The following ZFHX3 variants were observed in gnomAD, a reference collection of about 807,000 sequenced individuals.
ZFHX3 encodes zinc finger homeobox 3.
In ZFHX3, 42 loss-of-function variants were observed where a neutral mutation model predicts 279.1. The observed-to-expected ratio is 0.15, with a 90% confidence interval of 0.12 to 0.19. The LOEUF (loss-of-function observed/expected upper bound fraction) is 0.19. Ranked by LOEUF, ZFHX3 falls within the 10% of genes least tolerant of loss-of-function variation. ZFHX3 has a pLI of 1.00. For synonymous variants in ZFHX3, 2,293 were observed against 1,957.8 expected, an observed-to-expected ratio of 1.17 and a Z score of -4.52; for missense variants, 4,981 against 4,754.0, an observed-to-expected ratio of 1.05 and a Z score of -1.40.
At chr16:73,596,607 C>T (rs2052053442) in intron 2 of ZFHX3, among the ~76,000 whole-genome samples, 1 of 152,194 alleles carries the variant, frequency 6.6e-6, no homozygotes, top group Non-Finnish European at 1.5e-5. Flanking sequence ...ACCACCTGTG[C>T]TCCCATCTCA....
intron 1 of ZFHX3, among the ~76,000 whole-genome samples, chr16:72,963,983 G>C (rs1961707866): frequency 6.6e-6 from 1 of 152,248 alleles, no homozygotes; most frequent in South Asian, 2.1e-4. Flanking sequence ...AACAAAGAGA[G>C]AATAGAGGCA....
rs145262784 is a variant in ZFHX3 at position 72,900,666 on chromosome 16, C to T, written c.3217-10704G>A. 9.7e-4 allele frequency among the ~76,000 whole-genome samples: 148 copies of T among 152,290 alleles called. 1 individual carries two copies. Among genetic ancestry groups the T allele is most frequent in the African/African-American group, 3.0e-3 (126 of 41,570 alleles). ...CAGCTCAGTGGTTCTCTAACTTGAG[C>T]GTGCATCGGAAGCACCTGGGAGGCA... On this transcript the variant is annotated intron_variant, in intron 3 of 9. Transcript: ENST00000268489.
chr16:73,477,880 T>C (rs779515693), intron 2 of ZFHX3, among the ~76,000 whole-genome samples: 1 of 152,162 alleles, frequency 6.6e-6, no homozygotes, highest in Non-Finnish European at 1.5e-5. Context: ...CACACAGCTA[T>C]ATAAGATCTT....
chr16:73,787,094 AC>A (rs1233261656), intron 1 of ZFHX3, among the ~76,000 whole-genome samples: 1 of 152,154 alleles, frequency 6.6e-6, no homozygotes, highest in Non-Finnish European at 1.5e-5. Flanking sequence ...TCATACTTTA[AC>A]TGTCATTTTA....
chr16:73,286,366 C>T (rs1470250090), intron 4 of ZFHX3, among the ~76,000 whole-genome samples: 1 of 152,230 alleles, frequency 6.6e-6, no homozygotes, highest in South Asian at 2.1e-4. Context: ...ATAGATTGGG[C>T]GGCCCCAAAT....
chr16:73,376,014 T>C (rs1328740609), intron 3 of ZFHX3, among the ~76,000 whole-genome samples: 1 of 152,216 alleles, frequency 6.6e-6, no homozygotes, highest in African/African-American at 2.4e-5. Flanking sequence ...TATTTACATA[T>C]GTCTGAAGTC....
intron 1 of ZFHX3, among the ~76,000 whole-genome samples, chr16:73,861,308 A>G (rs568556066): frequency 2.0e-5 from 3 of 152,260 alleles, no homozygotes; most frequent in African/African-American, 7.2e-5. Context: ...CTCAGAATCA[A>G]AATTGTCTGC....
intron 5 of ZFHX3, among the ~76,000 whole-genome samples, chr16:73,210,941 G>A (rs1278165127): frequency 4.6e-5 from 7 of 152,082 alleles, no homozygotes; most frequent in African/African-American, 7.2e-5. Context: ...ACTCATCATA[G>A]TCTTGTAAAT....
At chr16:73,268,160 C>CT (rs1349755832) in intron 4 of ZFHX3, among the ~76,000 whole-genome samples, 7 of 152,082 alleles carry the variant, frequency 4.6e-5, no homozygotes, top group East Asian at 1.9e-4. Context: ...ACTCTTCTTC[C>CT]TTTTTTTTCC....
chr16:73,043,816 A>G (rs532245095), intron 1 of ZFHX3, among the ~76,000 whole-genome samples: 1 of 152,344 alleles, frequency 6.6e-6, no homozygotes, highest in Non-Finnish European at 1.5e-5. Context: ...TCTGATTGCC[A>G]CTTTGCACAT....
chr16:73,455,730 CTTT>C (rs33959280), intron 3 of ZFHX3, among the ~76,000 whole-genome samples: 253 of 146,896 alleles, frequency 1.7e-3, no homozygotes, highest in Non-Finnish European at 1.8e-3. Context: ...TAAAATATTG[CTTT>C]TTTTTTTTTT....
At chr16:73,439,104 G>T (rs1005564893) in intron 3 of ZFHX3, among the ~76,000 whole-genome samples, 1 of 152,166 alleles carries the variant, frequency 6.6e-6, no homozygotes, top group African/African-American at 2.4e-5. Context: ...CAAATTAATA[G>T]AACCTAGCTT....
chr16:73,410,413 CTCAAAACAAAACAAA>C (rs1452488976), intron 3 of ZFHX3, among the ~76,000 whole-genome samples: 2 of 152,116 alleles, frequency 1.3e-5, no homozygotes, highest in African/African-American at 2.4e-5. Context: ...GAGACTCTGT[CTCAAAACAAAACAAA>C]TCAAAACAAA....
At chr16:72,877,562 G>GT (rs1396465498) in intron 4 of ZFHX3, among the ~76,000 whole-genome samples, 2 of 152,128 alleles carry the variant, frequency 1.3e-5, no homozygotes, top group African/African-American at 4.8e-5. Flanking sequence ...CTCATTCTTC[G>GT]TGTCTGGTGT....
chr16:73,735,383 A>C (rs1158090984), intron 1 of ZFHX3, among the ~76,000 whole-genome samples: 1 of 115,922 alleles, frequency 8.6e-6, no homozygotes, highest in African/African-American at 3.9e-5. Context: ...GTGTGCTTCT[A>C]AAAAAAAAAA....
At chr16:73,645,976 A>G (rs1240525917) in intron 2 of ZFHX3, among the ~76,000 whole-genome samples, 1 of 152,186 alleles carries the variant, frequency 6.6e-6, no homozygotes, top group Admixed American at 6.5e-5. Flanking sequence ...ATGTGAGGAA[A>G]TGAGAATTCT....
chr16:73,595,411 A>T (rs1011838717), intron 2 of ZFHX3, among the ~76,000 whole-genome samples: 4 of 152,196 alleles, frequency 2.6e-5, no homozygotes, highest in African/African-American at 9.6e-5. Context: ...AAAAGCATCG[A>T]CAATTCCCTT....
At chr16:72,977,951 G>C (rs929984574) in intron 1 of ZFHX3, among the ~76,000 whole-genome samples, 1 of 151,758 alleles carries the variant, frequency 6.6e-6, no homozygotes, top group East Asian at 1.9e-4. Flanking sequence ...TGCAACCTCC[G>C]CCTCCCAGGT....
intron 2 of ZFHX3, among the ~76,000 whole-genome samples, chr16:73,506,947 C>T (rs564308559): frequency 3.4e-4 from 52 of 152,256 alleles, no homozygotes; most frequent in Middle Eastern, 3.4e-3. Context: ...GTGTAATAGA[C>T]GGTATTACCT....
Sources: gnomAD v4.1 joint callset for allele counts (sites outside exome capture counted in the v4.1 genomes callset) on GRCh38, gnomAD v4.1.1 for gene constraint, MANE v1.5 for transcripts, NCBI Gene and HGNC (gene_info 2026-07-23, HGNC 2026-07-21) for gene names.